The following HEMK2 variants were observed in gnomAD, a reference collection of about 807,000 sequenced individuals.
HEMK2 encodes the protein methyltransferase HEMK2.
the HEMK2 span, among the ~76,000 whole-genome samples, chr21:28,817,044 A>G: frequency 6.6e-6 from 1 of 152,242 alleles, no homozygotes; most frequent in African/African-American, 2.4e-5. Context: ...AATCCAGTGA[A>G]AAAGAAAATG....
chr21:28,793,798 G>A, the HEMK2 span, among the ~76,000 whole-genome samples: 1 of 152,076 alleles, frequency 6.6e-6, no homozygotes, highest in African/African-American at 2.4e-5. Context: ...GAGAAGAAGA[G>A]AAAAAACAGG....
At chr21:28,751,124 G>C in the HEMK2 span, among the ~76,000 whole-genome samples, 8 of 151,366 alleles carry the variant, frequency 5.3e-5, no homozygotes, top group Admixed American at 3.9e-4. Flanking sequence ...CCAGCTACTC[G>C]GGAGGCTGAG....
chr21:28,880,617 C>T, the HEMK2 span, among the ~76,000 whole-genome samples: 1 of 151,966 alleles, frequency 6.6e-6, no homozygotes, highest in Non-Finnish European at 1.5e-5. Flanking sequence ...GTGGTGGGTG[C>T]CTGTAATCCC....
chr21:28,680,300 G>T, the HEMK2 span, among the ~76,000 whole-genome samples: 1 of 152,178 alleles, frequency 6.6e-6, no homozygotes. Context: ...AGAAAGTCTA[G>T]AAGAAATGGA....
At chr21:28,854,613 G>A in the HEMK2 span, among the ~76,000 whole-genome samples, 117 of 152,282 alleles carry the variant, frequency 7.7e-4, 1 homozygote, top group African/African-American at 2.7e-3. Flanking sequence ...GAGGAGCAAG[G>A]AGAGCCAGTC....
chr21:28,836,673 G>C, the HEMK2 span, among the ~76,000 whole-genome samples: 103 of 152,156 alleles, frequency 6.8e-4, no homozygotes, highest in Non-Finnish European at 1.2e-3. Context: ...TACTAACATT[G>C]AATGTAAATG....
the HEMK2 span, among the ~76,000 whole-genome samples, chr21:28,600,366 G>T: frequency 1.3e-5 from 2 of 152,240 alleles, no homozygotes; most frequent in African/African-American, 4.8e-5. Context: ...AAGGCTTGGG[G>T]CTTGCACCCT....
chr21:28,823,312 G>T, the HEMK2 span, among the ~76,000 whole-genome samples: 1 of 152,130 alleles, frequency 6.6e-6, no homozygotes, highest in Non-Finnish European at 1.5e-5. Flanking sequence ...GTGCTCTGGG[G>T]ATTTTCATCT....
chr21:28,749,782 G>T, the HEMK2 span, among the ~76,000 whole-genome samples: 12 of 152,206 alleles, frequency 7.9e-5, no homozygotes, highest in African/African-American at 2.4e-4. Flanking sequence ...AGATCAGTCT[G>T]TAAGAAATTA....
chr21:28,634,259 G>T, the HEMK2 span, among the ~76,000 whole-genome samples: 1 of 152,176 alleles, frequency 6.6e-6, no homozygotes, highest in Non-Finnish European at 1.5e-5. Flanking sequence ...TGGGAAGTGT[G>T]CAAGGGGGGA....
At chr21:28,876,998 AGGG>A in the HEMK2 span, among the ~76,000 whole-genome samples, 4 of 66,532 alleles carry the variant, frequency 6.0e-5, no homozygotes, top group Non-Finnish European at 8.1e-5. Context: ...GGAGGGAGGG[AGGG>A]AGGGAGGAAG....
the HEMK2 span, among the ~76,000 whole-genome samples, chr21:28,701,863 C>A: frequency 2.0e-5 from 3 of 151,922 alleles, no homozygotes; most frequent in Non-Finnish European, 4.4e-5. Context: ...AAAAAGAGCT[C>A]AAATAGCCAA....
At chr21:28,814,111 C>T in the HEMK2 span, among the ~76,000 whole-genome samples, 21 of 152,140 alleles carry the variant, frequency 1.4e-4, no homozygotes, top group African/African-American at 5.1e-4. Flanking sequence ...GTGGTGCACG[C>T]CTGTAGTCCC....
At chr21:28,752,356 T>C in the HEMK2 span, among the ~76,000 whole-genome samples, 5 of 152,294 alleles carry the variant, frequency 3.3e-5, no homozygotes, top group East Asian at 5.8e-4. Flanking sequence ...TCATTCCAGT[T>C]AGTAGTACCT....
chr21:28,677,967 A>C, the HEMK2 span, among the ~76,000 whole-genome samples: 14 of 152,264 alleles, frequency 9.2e-5, no homozygotes, highest in African/African-American at 3.4e-4. Context: ...GAAAAACTGG[A>C]AACTCTAAAA....
At chr21:28,590,850 G>A in the HEMK2 span, among the ~76,000 whole-genome samples, 1 of 152,204 alleles carries the variant, frequency 6.6e-6, no homozygotes, top group Non-Finnish European at 1.5e-5. Context: ...TAACTGTGCT[G>A]GGATGTGCTA....
the HEMK2 span, among the ~76,000 whole-genome samples, chr21:28,869,587 A>G: frequency 6.6e-6 from 1 of 152,196 alleles, no homozygotes; most frequent in Non-Finnish European, 1.5e-5. Context: ...CACTTATGCT[A>G]CTTCCAGGAC....
chr21:28,674,835 G>A, the HEMK2 span: 1 of 152,180 alleles, frequency 6.6e-6, no homozygotes, highest in Non-Finnish European at 1.5e-5. Context: ...CTTTCTCTGT[G>A]TCCTCACATG....
the HEMK2 span, among the ~76,000 whole-genome samples, chr21:28,871,542 A>G: frequency 6.6e-6 from 1 of 152,272 alleles, no homozygotes; most frequent in Admixed American, 6.5e-5. Context: ...AATCCAAACC[A>G]TATCAGTGTC....
Sources: allele counts gnomAD v4.1 joint callset (sites outside exome capture counted in the v4.1 genomes callset), GRCh38; gene constraint gnomAD v4.1.1; transcripts MANE v1.5; gene names NCBI Gene and HGNC (gene_info 2026-07-23, HGNC 2026-07-21).